The following NRG1 variants were observed in gnomAD, a reference collection of about 807,000 sequenced individuals.
The protein encoded by NRG1 is neuregulin 1, also known as pro-neuregulin-1, membrane-bound isoform.
In NRG1, 18 loss-of-function variants were observed where a neutral mutation model predicts 63.8. That is an observed-to-expected ratio of 0.28 (90% CI 0.19 to 0.42). NRG1 has a LOEUF of 0.42. NRG1 is among the 10% of genes least tolerant of loss of function. The probability of loss-of-function intolerance (pLI) is 1.00; values close to 1 mark genes in which losing one functional copy is unlikely to be tolerated. For missense variants in NRG1, 762 were observed against 814.7 expected (o/e 0.94, Z 0.79); for synonymous variants, 302 against 301.3 (o/e 1.00, Z -0.02).
chr8:32,394,460 A>G (rs1812187084), intron 1 of NRG1, among the ~76,000 whole-genome samples: 1 of 152,194 alleles, frequency 6.6e-6, no homozygotes, highest in Non-Finnish European at 1.5e-5. Context: ...ACCAAACAGG[A>G]CTGACATTTT....
intron 1 of NRG1, among the ~76,000 whole-genome samples, chr8:32,566,341 T>TAAAA (rs1214267183): frequency 1.3e-5 from 1 of 75,468 alleles, no homozygotes; most frequent in African/African-American, 4.7e-5. Context: ...ACAGAACATC[T>TAAAA]CAAAAAAAAA....
At chr8:32,696,163 T>C (rs1038976441) in intron 5 of NRG1, among the ~76,000 whole-genome samples, 2 of 152,196 alleles carry the variant, frequency 1.3e-5, no homozygotes, top group African/African-American at 4.8e-5. Flanking sequence ...GAAAATATCT[T>C]CATCAAAACC....
intron 1 of NRG1, among the ~76,000 whole-genome samples, chr8:31,928,571 A>G (rs1834600441): frequency 6.6e-6 from 1 of 151,856 alleles, no homozygotes; most frequent in Non-Finnish European, 1.5e-5. Context: ...CTAAGTGCCC[A>G]TCTACTGATG....
At chr8:31,820,089 AT>A (rs996121667) in intron 1 of NRG1, among the ~76,000 whole-genome samples, 1 of 152,126 alleles carries the variant, frequency 6.6e-6, no homozygotes, top group Admixed American at 6.6e-5. Flanking sequence ...ATTTTTATGT[AT>A]TTAGTCATAT....
intron 6 of NRG1, among the ~76,000 whole-genome samples, chr8:32,731,667 G>A (rs993163734): frequency 6.6e-6 from 1 of 151,968 alleles, no homozygotes; most frequent in Non-Finnish European, 1.5e-5. Context: ...AATATGTATA[G>A]CATTAAAAAT....
chr8:32,556,052 T>C (rs529619464), intron 1 of NRG1, among the ~76,000 whole-genome samples: 2 of 152,346 alleles, frequency 1.3e-5, no homozygotes, highest in East Asian at 3.9e-4. Flanking sequence ...TTACTTTCAA[T>C]GATATGAGAG....
intron 1 of NRG1, among the ~76,000 whole-genome samples, chr8:32,101,877 A>G (rs1457449253): frequency 6.6e-6 from 1 of 152,156 alleles, no homozygotes; most frequent in Non-Finnish European, 1.5e-5. Context: ...ACTAGACCAG[A>G]TATAATCTGT....
intron 1 of NRG1, among the ~76,000 whole-genome samples, chr8:31,673,645 G>C (rs573436557): frequency 2.6e-4 from 39 of 152,226 alleles, no homozygotes; most frequent in African/African-American, 9.1e-4. Context: ...TATATTCCCT[G>C]TTTGGAGGTC....
intron 1 of NRG1, among the ~76,000 whole-genome samples, chr8:32,486,131 C>T (rs981558857): frequency 3.3e-5 from 5 of 152,008 alleles, no homozygotes; most frequent in Non-Finnish European, 7.4e-5. Flanking sequence ...AGGGTTTTGC[C>T]GTGTTGGCCA....
At chr8:32,553,996 T>TGA (rs1394470695) in intron 1 of NRG1, among the ~76,000 whole-genome samples, 1 of 152,198 alleles carries the variant, frequency 6.6e-6, no homozygotes, top group Non-Finnish European at 1.5e-5. Flanking sequence ...TGAACAGTAC[T>TGA]GATAGTTTAT....
At chr8:32,345,024 G>C (rs973535) in intron 1 of NRG1, among the ~76,000 whole-genome samples, 22,854 of 151,954 alleles carry the variant, frequency 0.15, 2,525 homozygotes, top group East Asian at 0.58. Flanking sequence ...GTAGCTATGC[G>C]TTTCATTGAC....
chr8:32,123,698 T>C (rs1365394902), intron 1 of NRG1, among the ~76,000 whole-genome samples: 3 of 150,734 alleles, frequency 2.0e-5, no homozygotes, highest in Non-Finnish European at 3.0e-5. Flanking sequence ...AAAAATTATA[T>C]TTTTAAGTTA....
chr8:31,767,861 A>C (rs1818229950), intron 1 of NRG1, among the ~76,000 whole-genome samples: 1 of 151,922 alleles, frequency 6.6e-6, no homozygotes, highest in Admixed American at 6.6e-5. Flanking sequence ...AAAAAAAAAA[A>C]AAAAACTTAA....
In NRG1 at chr8:32,742,215, A is replaced by G. The variant is rs1451850639; in HGVS notation, c.633-460A>G. ...AACCTCTCAAGGCATAAACCCATTC[A>G]GTGTTACCTTATTTAACTGTCTCTC... is the stretch of plus-strand genomic sequence containing the variant. On this transcript the variant is annotated intron_variant, in intron 6 of 11. Transcript: ENST00000356819. This position sits in a 1 kb window ranked among gnomAD's most constrained non-coding sequence, Gnocchi z 4.2. 4.3e-6 allele frequency: 3 copies of G among 698,500 alleles called. No individual in the cohort carries two copies. Among genetic ancestry groups the G allele is most frequent in the African/African-American group, 3.6e-5 (2 of 56,164 alleles). The allele number at this position is 698,500 out of a possible 1,614,324, so 43.3% of individuals were successfully genotyped here.
intron 1 of NRG1, among the ~76,000 whole-genome samples, chr8:32,540,473 C>T (rs1201887503): frequency 2.0e-5 from 3 of 152,062 alleles, no homozygotes; most frequent in Non-Finnish European, 4.4e-5. Flanking sequence ...TCATTCAATC[C>T]GAAAGCAAGA....
intron 1 of NRG1, among the ~76,000 whole-genome samples, chr8:32,560,758 C>G (rs1487386671): frequency 6.6e-6 from 1 of 152,178 alleles, no homozygotes; most frequent in Non-Finnish European, 1.5e-5. Context: ...GTCCACAATT[C>G]TTGCTACCAT....
chr8:32,528,135 T>C (rs1185150048), intron 1 of NRG1, among the ~76,000 whole-genome samples: 1 of 152,230 alleles, frequency 6.6e-6, no homozygotes, highest in East Asian at 1.9e-4. Context: ...ATACCACCTC[T>C]TTGGAAAGCC....
intron 1 of NRG1, among the ~76,000 whole-genome samples, chr8:32,338,047 C>T (rs1424153086): frequency 6.6e-6 from 1 of 152,178 alleles, no homozygotes; most frequent in Non-Finnish European, 1.5e-5. Flanking sequence ...GTAAAGATGA[C>T]TTACTCTTGG....
intron 1 of NRG1, among the ~76,000 whole-genome samples, chr8:31,726,562 A>G (rs1206130363): frequency 1.3e-5 from 2 of 152,194 alleles, no homozygotes; most frequent in Admixed American, 6.5e-5. Context: ...ACCTGGGTCA[A>G]GTTTTGCAAT....
Sources: gnomAD v4.1 joint callset for allele counts (sites outside exome capture counted in the v4.1 genomes callset) on GRCh38, gnomAD v4.1.1 for gene constraint, Gnocchi (gnomAD v3.1) non-coding constraint, MANE v1.5 for transcripts, NCBI Gene and HGNC (gene_info 2026-07-23, HGNC 2026-07-21) for gene names.